Variants in RAB43 observed in about 807,000 individuals in gnomAD.
The protein encoded by RAB43 is ras-related protein Rab-43.
In RAB43, 6 loss-of-function variants were observed where a neutral mutation model predicts 18.8. That is an observed-to-expected ratio of 0.32 (90% CI 0.17 to 0.63). The LOEUF is 0.63. Among genes scored for constraint, RAB43 ranks in the 30% least tolerant of loss-of-function variants. The pLI, the probability that RAB43 is intolerant of heterozygous loss-of-function variation, is 0.79. For missense variants in RAB43, 195 were observed against 289.1 expected, an observed-to-expected ratio of 0.67 and a Z score of 2.36; for synonymous variants, 103 against 124.1, an observed-to-expected ratio of 0.83 and a Z score of 1.13.
intron 1 of RAB43, among the ~76,000 whole-genome samples, chr3:129,114,865 A>C (rs887679209): frequency 3.9e-5 from 6 of 152,172 alleles, no homozygotes; most frequent in African/African-American, 1.4e-4. Flanking sequence ...CACAGGGGCC[A>C]GTCTCTTGCC....
chr3:129,118,995 A>G (rs1935726678), intron 1 of RAB43, among the ~76,000 whole-genome samples: 1 of 152,260 alleles, frequency 6.6e-6, no homozygotes, highest in Non-Finnish European at 1.5e-5. Context: ...AACTGACTAC[A>G]GAAGAACAAA....
At chr3:129,120,683 G>T (rs1348960784) in intron 1 of RAB43, among the ~76,000 whole-genome samples, 1 of 152,216 alleles carries the variant, frequency 6.6e-6, no homozygotes, top group Non-Finnish European at 1.5e-5. Context: ...CTCCAGCTGG[G>T]GGAGGGAACC....
chr3:129,093,529 G>A (rs548866554), intron 2 of RAB43, among the ~76,000 whole-genome samples: 5 of 152,312 alleles, frequency 3.3e-5, no homozygotes, highest in Admixed American at 6.5e-5. Flanking sequence ...AGAATTGCTT[G>A]AACCCGGGAG....
intron 1 of RAB43, among the ~76,000 whole-genome samples, chr3:129,109,030 G>A (rs1463241374): frequency 1.4e-5 from 2 of 143,038 alleles, no homozygotes; most frequent in African/African-American, 2.6e-5. Context: ...ACAACATAAG[G>A]AAACCATGAG....
chr3:129,104,838 C>A (rs1247927596), intron 1 of RAB43, among the ~76,000 whole-genome samples: 4 of 152,230 alleles, frequency 2.6e-5, no homozygotes, highest in Admixed American at 2.6e-4. Context: ...AAACTGCATT[C>A]ATCTTAACCT....
intron 2 of RAB43, among the ~76,000 whole-genome samples, chr3:129,093,425 C>A (rs551749927): frequency 3.9e-5 from 6 of 152,102 alleles, no homozygotes; most frequent in Non-Finnish European, 8.8e-5. Context: ...TCCTGGCCAA[C>A]ATGGTGAAAC....
At chr3:129,106,232 C>T (rs995580333) in intron 1 of RAB43, among the ~76,000 whole-genome samples, 3 of 152,174 alleles carry the variant, frequency 2.0e-5, no homozygotes, top group Admixed American at 6.5e-5. Flanking sequence ...TCCTGAGTAA[C>T]GAAGCAGGCA....
chr3:129,109,474 T>C (rs996282439), intron 1 of RAB43, among the ~76,000 whole-genome samples: 5 of 148,986 alleles, frequency 3.4e-5, no homozygotes, highest in Admixed American at 1.3e-4. Context: ...TAGTAGCTCA[T>C]GCCTGTAATC....
At chr3:129,121,157 G>T in intron 1 of RAB43, 129 bp downstream of exon 1, 1 of 830,230 alleles carries the variant, frequency 1.2e-6, no homozygotes, top group Non-Finnish European at 1.8e-6. Flanking sequence ...CCGACCCGAG[G>T]AAGGAAAAAG....
At chr3:129,093,583 C>A (rs1286332129) in intron 2 of RAB43, among the ~76,000 whole-genome samples, 1 of 152,078 alleles carries the variant, frequency 6.6e-6, no homozygotes, top group African/African-American at 2.4e-5. Flanking sequence ...GCACTCCAGC[C>A]TGGCGACAGA....
intron 1 of RAB43, among the ~76,000 whole-genome samples, chr3:129,110,688 G>T (rs1935108020): frequency 6.6e-6 from 1 of 152,132 alleles, no homozygotes; most frequent in Non-Finnish European, 1.5e-5. Flanking sequence ...AATGCCAGGG[G>T]TTGGTGGGGA....
intron 1 of RAB43, among the ~76,000 whole-genome samples, chr3:129,106,024 C>A (rs1264458633): frequency 6.6e-6 from 1 of 152,158 alleles, no homozygotes; most frequent in African/African-American, 2.4e-5. Flanking sequence ...AGTAGTCAGG[C>A]CCGTGCAGCA....
intron 1 of RAB43, among the ~76,000 whole-genome samples, chr3:129,100,376 G>A (rs983097552): frequency 6.6e-6 from 1 of 152,210 alleles, no homozygotes; most frequent in Admixed American, 6.5e-5. Flanking sequence ...AGAAATGCCA[G>A]ATGGTACCAC....
chr3:129,095,227 CAG>C lies in RAB43; in HGVS notation c.205-60_205-59del. On this transcript the variant is annotated intron_variant, in intron 1 of 2. Transcript: ENST00000315150. The surrounding 1 kb of genome is among the most constrained non-coding windows in gnomAD (Gnocchi z 4.2). ...GGCACAGGCTGAACATGGGGACAGG[CAG>C]AGTGACCCCACAGACCCACACCCAG... 2.5e-6 allele frequency: 4 copies of C among 1,573,974 alleles called. No individual in the cohort carries two copies. The highest frequency in any genetic ancestry group is 3.5e-6 in the Non-Finnish European group (4 of 1,158,406).
At chr3:129,115,469 A>G (rs946786373) in intron 1 of RAB43, among the ~76,000 whole-genome samples, 4 of 151,556 alleles carry the variant, frequency 2.6e-5, no homozygotes, top group African/African-American at 4.9e-5. Context: ...ATGCCATTGC[A>G]CTCCAGCCTG....
intron 1 of RAB43, among the ~76,000 whole-genome samples, chr3:129,115,185 T>G (rs2107579573): frequency 6.6e-6 from 1 of 152,260 alleles, no homozygotes; most frequent in South Asian, 2.1e-4. Context: ...CCATCAACTT[T>G]GCTCTAAATG....
At chr3:129,098,799 G>A (rs1934226620) in intron 1 of RAB43, among the ~76,000 whole-genome samples, 1 of 152,252 alleles carries the variant, frequency 6.6e-6, no homozygotes, top group South Asian at 2.1e-4. Flanking sequence ...CGGGCTGGGT[G>A]CAGTGTTTCA....
rs923255655 is a variant in RAB43, at chr3:129,095,281, C to A, written c.205-112G>T. On this transcript the variant is annotated intron_variant, in intron 1 of 2. Coordinates refer to ENST00000315150, the MANE Select transcript of RAB43 (RefSeq NM_198490.3). This position sits in a 1 kb window ranked among gnomAD's most constrained non-coding sequence, Gnocchi z 4.2. ...GCTGTGGTTCCACTGGGCTAGGAGGCCTTCTGAGTCCTTAGAAAGCAACTC... is the reference window on the plus strand; with the variant it reads ...GCTGTGGTTCCACTGGGCTAGGAGGACTTCTGAGTCCTTAGAAAGCAACTC... 1.4e-6 allele frequency: 2 copies of A among 1,402,892 alleles called. No individual in the cohort carries two copies. Among genetic ancestry groups the A allele is most frequent in the Non-Finnish European group, 9.5e-7 (1 of 1,054,226 alleles). The allele number at this position is 1,402,892 out of a possible 1,614,324, so 86.9% of individuals were successfully genotyped here. A position where few individuals can be genotyped will look rare whatever the true frequency, so the allele number is the denominator to read the frequency against.
In RAB43 at chr3:129,088,060, G is replaced by GCC. The variant is rs941499354; in HGVS notation, c.*3034_*3035dup. On this transcript the variant is annotated 3_prime_UTR_variant, in exon 3 of 3. Coordinates refer to ENST00000315150, the MANE Select transcript of RAB43 (RefSeq NM_198490.3). Reference sequence around the variant, plus strand: ...CTCCTTCCGCCCCAGAGCCCGGGCTGCCGGGAGAGCTTAGCCTGCCAAGGG... The same window carrying GCC: ...CTCCTTCCGCCCCAGAGCCCGGGCTGCCCCGGGAGAGCTTAGCCTGCCAAGGG... The GCC allele has an allele frequency of 6.6e-6, 1 of 152,182 alleles. No homozygotes were observed. The highest frequency in any genetic ancestry group is 2.1e-4 in the South Asian group (1 of 4,834). 9.4% of individuals were successfully genotyped at this position (152,182 alleles called of 1,614,324 possible).
Sources: gnomAD v4.1 joint callset for allele counts (sites outside exome capture counted in the v4.1 genomes callset) on GRCh38, gnomAD v4.1.1 for gene constraint, Gnocchi (gnomAD v3.1) non-coding constraint, MANE v1.5 for transcripts, NCBI Gene and HGNC (gene_info 2026-07-23, HGNC 2026-07-21) for gene names.